AFTPH: variants seen among roughly 807,000 people sequenced by gnomAD.
AFTPH encodes aftiphilin.
Under a neutral mutation model 72.5 loss-of-function variants are expected in AFTPH, and 7 were observed. That is an observed-to-expected ratio of 0.10 (90% CI 0.05 to 0.18). AFTPH has a LOEUF of 0.18. Ranked by LOEUF, AFTPH falls within the 10% of genes least tolerant of loss-of-function variation. The probability of loss-of-function intolerance (pLI) is 1.00; values close to 1 mark genes in which losing one functional copy is unlikely to be tolerated. For missense variants in AFTPH, 979 were observed against 1,060.5 expected (o/e 0.92, Z 1.07); for synonymous variants, 337 against 370.1 (o/e 0.91, Z 1.03).
intron 1 of AFTPH, among the ~76,000 whole-genome samples, chr2:64,538,683 G>C (rs566608095): frequency 6.6e-6 from 1 of 152,278 alleles, no homozygotes; most frequent in African/African-American, 2.4e-5. Flanking sequence ...ACAAATTAAA[G>C]TAAAATTAAT....
chr2:64,551,840 T>A (rs750400154), exon 2 of AFTPH: 7 of 1,613,746 alleles, frequency 4.3e-6, no homozygotes, highest in Non-Finnish European at 8.5e-7. Flanking sequence ...AAATGTTAGC[T>A]ACTTCCATTG....
intron 2 of AFTPH, among the ~76,000 whole-genome samples, chr2:64,557,583 G>A (rs1211819306): frequency 3.3e-5 from 5 of 152,142 alleles, no homozygotes; most frequent in Admixed American, 2.0e-4. Context: ...GAGTTCAAGC[G>A]AGTCTCGTGC....
chr2:64,548,487 G>T (rs1670813437), intron 1 of AFTPH, among the ~76,000 whole-genome samples: 1 of 150,214 alleles, frequency 6.7e-6, no homozygotes, highest in Non-Finnish European at 1.5e-5. Flanking sequence ...GCTATTGTAG[G>T]GATATAGTAT....
exon 2 of AFTPH, chr2:64,551,953 A>C (rs547170833): frequency 6.2e-7 from 1 of 1,613,616 alleles, no homozygotes; most frequent in Non-Finnish European, 8.5e-7. Flanking sequence ...ACTAATATGA[A>C]TGTTGTTCAT....
At chr2:64,546,585 T>G (rs1002498331) in intron 1 of AFTPH, among the ~76,000 whole-genome samples, 5 of 152,140 alleles carry the variant, frequency 3.3e-5, no homozygotes, top group Non-Finnish European at 7.4e-5. Flanking sequence ...TTTTTTCCAT[T>G]TTGAAACAAT....
chr2:64,576,640 G>A (rs12713520), intron 6 of AFTPH, among the ~76,000 whole-genome samples: 80,665 of 152,014 alleles, frequency 0.53, 24,141 homozygotes, highest in African/African-American at 0.84. Context: ...CACTCTGACT[G>A]GCAGTTATCC....
chr2:64,556,213 C>G (rs983810909), intron 2 of AFTPH, among the ~76,000 whole-genome samples: 1 of 152,150 alleles, frequency 6.6e-6, no homozygotes, highest in Non-Finnish European at 1.5e-5. Context: ...GTCTCGAACT[C>G]CTGACCTCAG....
chr2:64,537,598 T>C (rs1669966884), intron 1 of AFTPH, among the ~76,000 whole-genome samples: 1 of 152,210 alleles, frequency 6.6e-6, no homozygotes, highest in South Asian at 2.1e-4. Flanking sequence ...ACTTAAACAA[T>C]TGCTAAATGC....
At chr2:64,553,254 A>G (rs1266001972) in exon 2 of AFTPH, 2 of 1,614,154 alleles carry the variant, frequency 1.2e-6, no homozygotes, top group Non-Finnish European at 1.7e-6. Context: ...CCAGCAGGCT[A>G]CTGAATCTCA....
In AFTPH at chr2:64,550,689, A is replaced by G. The variant is rs1439791554; in HGVS notation, c.-32-754A>G. Among the ~76,000 whole-genome samples, 424 of 59,134 alleles carry G rather than the reference A, an allele frequency of 7.2e-3. 5 individuals carry two copies. Among genetic ancestry groups the G allele is most frequent in the South Asian group, 0.025 (43 of 1,720 alleles). 38.8% of individuals were successfully genotyped at this position (59,134 alleles called of 152,430 possible). On this transcript the variant is annotated intron_variant, in intron 1 of 8. Transcript: ENST00000238856. ...GAACTGTACGCATGCACACACACAC[A>G]CACACACACACACACACACACACAC... is the stretch of plus-strand genomic sequence containing the variant.
chr2:64,544,468 T>C (rs7604158), intron 1 of AFTPH, among the ~76,000 whole-genome samples: 74,336 of 152,042 alleles, frequency 0.49, 21,737 homozygotes, highest in African/African-American at 0.83. Flanking sequence ...AGAAATTAGA[T>C]GACTATTTGG....
intron 6 of AFTPH, among the ~76,000 whole-genome samples, chr2:64,573,850 G>C (rs6717711): frequency 0.098 from 14,836 of 152,060 alleles, 1,985 homozygotes; most frequent in African/African-American, 0.29. Flanking sequence ...TAGAGATGGG[G>C]TTTCACCATG....
rs751591760 is a variant in AFTPH, at chr2:64,552,763, ATGATTTTGG to A, written c.1302_1310del (p.Asp437_Gly439del). Reference sequence around the variant, plus strand: ...GTGACTTGCAATGATATCAATGAAGATGATTTTGGTGATTTTGGTGACTTTGGCTCTGCC... The same window carrying A: ...GTGACTTGCAATGATATCAATGAAGATGATTTTGGTGACTTTGGCTCTGCC... On this transcript the variant is annotated inframe_deletion, in exon 2 of 9. Coordinates refer to ENST00000238856, the Ensembl canonical transcript of AFTPH. 2.6e-5 allele frequency: 42 copies of A among 1,614,214 alleles called. No homozygotes were observed. The South Asian group carries it at 3.6e-4, about 14-fold the overall frequency.
At chr2:64,582,256 C>A (rs753715908) in intron 7 of AFTPH, among the ~76,000 whole-genome samples, 6 of 152,184 alleles carry the variant, frequency 3.9e-5, no homozygotes, top group Admixed American at 3.3e-4. Flanking sequence ...TGCTATTCCA[C>A]TAGATAGTGC....
intron 1 of AFTPH, among the ~76,000 whole-genome samples, chr2:64,549,182 A>C (rs1254407058): frequency 6.6e-6 from 1 of 152,146 alleles, no homozygotes; most frequent in African/African-American, 2.4e-5. Flanking sequence ...CTAGCTTGCA[A>C]AACTGGTTGA....
chr2:64,560,982 G>C (rs1339263723), intron 2 of AFTPH, among the ~76,000 whole-genome samples: 1 of 152,218 alleles, frequency 6.6e-6, no homozygotes, highest in Admixed American at 6.5e-5. Context: ...TATTCTGAGA[G>C]CGAAAGCTCC....
chr2:64,560,798 A>G (rs762984056), intron 2 of AFTPH, among the ~76,000 whole-genome samples: 2 of 152,186 alleles, frequency 1.3e-5, no homozygotes, highest in Non-Finnish European at 2.9e-5. Flanking sequence ...ACTTGAACCC[A>G]GGAGACGAAG....
At chr2:64,547,640 T>C (rs1191400966) in intron 1 of AFTPH, among the ~76,000 whole-genome samples, 2 of 152,336 alleles carry the variant, frequency 1.3e-5, no homozygotes, top group Non-Finnish European at 2.9e-5. Context: ...CTCAGTTTAT[T>C]ATTTTATTTA....
At chr2:64,546,052 C>A (rs1413996016) in intron 1 of AFTPH, among the ~76,000 whole-genome samples, 1 of 151,990 alleles carries the variant, frequency 6.6e-6, no homozygotes, top group East Asian at 1.9e-4. Flanking sequence ...GCCACCACGC[C>A]TGGCTAATTT....
Sources: gnomAD v4.1 joint callset for allele counts (sites outside exome capture counted in the v4.1 genomes callset) on GRCh38, gnomAD v4.1.1 for gene constraint, MANE v1.5 for transcripts, NCBI Gene and HGNC (gene_info 2026-07-23, HGNC 2026-07-21) for gene names.